Variants in CEP152 observed in about 807,000 individuals in gnomAD.
CEP152 encodes the protein centrosomal protein 152.
A neutral mutation model predicts 188.9 loss-of-function variants in CEP152; 132 were observed. The ratio of observed to expected loss-of-function variants is 0.70; its 90% CI spans 0.61 to 0.81. CEP152 has a LOEUF of 0.81. CEP152 is among the 30% of genes least tolerant of loss of function. The pLI is 0.00. For missense variants in CEP152, 1,914 were observed against 1,969.8 expected (o/e 0.97, Z 0.54); for synonymous variants, 649 against 666.6 (o/e 0.97, Z 0.41).
At chr15:48,757,810 A>C (rs1283963574) in intron 19 of CEP152, among the ~76,000 whole-genome samples, 1 of 152,238 alleles carries the variant, frequency 6.6e-6, no homozygotes, top group Non-Finnish European at 1.5e-5. Flanking sequence ...AGAATAATTC[A>C]GTAGTGATTT....
At chr15:48,773,492 T>C (rs12440614) in intron 12 of CEP152, 31,398 of 152,224 alleles carry the variant, frequency 0.21, 4,173 homozygotes, top group East Asian at 0.47. Context: ...AATTCAGAAT[T>C]TGGGGAGTCC....
chr15:48,760,244 G>A lies in CEP152; in HGVS notation c.2585C>T (p.Ala862Val). 1 of 1,614,044 alleles carries A rather than the reference G, an allele frequency of 6.2e-7. No individual in the cohort carries two copies. The highest frequency in any genetic ancestry group is 8.5e-7 in the Non-Finnish European group (1 of 1,179,948). ...TAGTTCTCCCAGCCATCGCTGATGA[G>A]CATTTTGCACAGCTATTTCTACCTG... The part of the protein sequence containing the change: ...TKQVEIAVQN[A>V]HQRWLGELPE... Residue 862 changes from alanine (A) to valine (V), a missense_variant, in exon 19 of 27, where the codon GCT becomes GTT. By Grantham distance (64) the Ala-to-Val change is moderately conservative. Coordinates refer to ENST00000380950, the MANE Select transcript of CEP152 (RefSeq NM_001194998.2).
At chr15:48,755,412 A>T (rs1894182781) in intron 20 of CEP152, among the ~76,000 whole-genome samples, 1 of 152,152 alleles carries the variant, frequency 6.6e-6, no homozygotes, top group Non-Finnish European at 1.5e-5. Context: ...CTTATTATGC[A>T]TATTTCATGA....
chr15:48,744,455 A>T, intron 23 of CEP152, 112 bp from the exon 24 acceptor site: 2 of 1,527,722 alleles, frequency 1.3e-6, no homozygotes, highest in Non-Finnish European at 8.9e-7. Flanking sequence ...AGTGCTAAAA[A>T]TCTCATCTAG....
chr15:48,793,542 T>C, intron 6 of CEP152, 81 bp from the exon 7 acceptor site: 1 of 1,240,432 alleles, frequency 8.1e-7, no homozygotes, highest in Non-Finnish European at 1.1e-6. Flanking sequence ...TTTTTCAAAC[T>C]GTGACTACAA....
rs369387277 is a variant in CEP152 at position 48,749,298 on chromosome 15, A to G, written c.3467-688T>C. On this transcript the variant is annotated intron_variant, in intron 21 of 26. Transcript: ENST00000380950. The stretch of plus-strand genomic sequence containing the variant: ...ACATGCTTAGTGCCAACTGGGATAA[A>G]TAGAGGGAGGAAGTTGGAAGAATTA... Among the ~76,000 whole-genome samples, 41 of 152,202 alleles carry G rather than the reference A, an allele frequency of 2.7e-4. 2 individuals carry two copies. In the South Asian group the frequency reaches 8.1e-3, roughly 30 times the overall value.
intron 14 of CEP152, among the ~76,000 whole-genome samples, chr15:48,768,551 AAATTTTGT>A: frequency 6.6e-6 from 1 of 152,360 alleles, no homozygotes; most frequent in East Asian, 1.9e-4. Flanking sequence ...CTAAACGTTT[AAATTTTGT>A]ATTTACTTTG....
At chr15:48,776,923 A>ATTT (rs1895955409) in intron 12 of CEP152, among the ~76,000 whole-genome samples, 6 of 151,976 alleles carry the variant, frequency 3.9e-5, no homozygotes, top group African/African-American at 1.4e-4. Context: ...TAAACAGTTG[A>ATTT]CAGTATCTGC....
At chr15:48,786,836 G>C (rs1025980534) in intron 9 of CEP152, among the ~76,000 whole-genome samples, 2 of 152,170 alleles carry the variant, frequency 1.3e-5, no homozygotes, top group African/African-American at 4.8e-5. Flanking sequence ...TTCTATTGAA[G>C]GGGGTGGGGC....
intron 23 of CEP152, 128 bp downstream of exon 23, chr15:48,744,768 G>T: frequency 1.1e-6 from 1 of 893,806 alleles, no homozygotes; most frequent in Non-Finnish European, 1.7e-6. Context: ...AGGAAATAAG[G>T]TTTTGGGGGA....
chr15:48,769,602 G>A (rs1298170396), intron 13 of CEP152, among the ~76,000 whole-genome samples: 1 of 152,042 alleles, frequency 6.6e-6, no homozygotes, highest in Non-Finnish European at 1.5e-5. Context: ...AATTGAAGGT[G>A]GGATCTGTCA....
intron 19 of CEP152, among the ~76,000 whole-genome samples, chr15:48,757,352 C>T (rs1399691434): frequency 6.6e-6 from 1 of 152,156 alleles, no homozygotes; most frequent in East Asian, 1.9e-4. Flanking sequence ...TGATAGCATC[C>T]TTTAGGATTA....
intron 17 of CEP152, among the ~76,000 whole-genome samples, chr15:48,766,775 G>C (rs983501715): frequency 2.7e-5 from 4 of 150,500 alleles, no homozygotes; most frequent in Non-Finnish European, 4.4e-5. Context: ...CAGATTTAAA[G>C]TGACACTGAT....
intron 3 of CEP152, 69 bp from the exon 4 acceptor site, chr15:48,797,799 C>T (rs1897405701): frequency 6.3e-7 from 1 of 1,575,158 alleles, no homozygotes; most frequent in Admixed American, 1.7e-5. Flanking sequence ...ACAAAGAACC[C>T]CAAGATTTTA....
chr15:48,793,700 A>G (rs1180190020), intron 6 of CEP152, among the ~76,000 whole-genome samples: 1 of 152,218 alleles, frequency 6.6e-6, no homozygotes, highest in Non-Finnish European at 1.5e-5. Flanking sequence ...ATATAGATAC[A>G]TGTTGTACAC....
chr15:48,753,250 G>A (rs1180975667), intron 20 of CEP152, among the ~76,000 whole-genome samples: 2 of 152,126 alleles, frequency 1.3e-5, no homozygotes, highest in Admixed American at 1.3e-4. Flanking sequence ...CGATTCTCCT[G>A]CCTCAACCCT....
intron 2 of CEP152, 26 bp from the exon 3 acceptor site, chr15:48,798,077 TC>T (rs1456512265): frequency 6.3e-7 from 1 of 1,585,606 alleles, no homozygotes; most frequent in South Asian, 1.1e-5. Context: ...TGCATCAATA[TC>T]ATACCAACTT....
rs374999936 is a variant in CEP152, at chr15:48,758,573, G to T, written c.2694+1562C>A. Among the ~76,000 whole-genome samples, 44 of 152,054 alleles carry T rather than the reference G, an allele frequency of 2.9e-4. 2 individuals are homozygous for T. In the South Asian group the frequency reaches 7.3e-3, roughly 25 times the overall value. On this transcript the variant is annotated intron_variant, in intron 19 of 26. Transcript: ENST00000380950. ...ATCTCTACTAAAAATACAAAAATTAGCCAGGCGAGGTAGCGGGCACCTATA... is the reference window on the plus strand; with the variant it reads ...ATCTCTACTAAAAATACAAAAATTATCCAGGCGAGGTAGCGGGCACCTATA...
rs758761825 is a variant in CEP152, at chr15:48,744,984, T to C, written c.3643A>G (p.Asn1215Asp). The C allele has an allele frequency of 1.0e-5, 16 of 1,598,394 alleles. No individual in the cohort carries two copies. In the South Asian group the frequency reaches 1.8e-4, roughly 18 times the overall value. Reference sequence around the variant, plus strand: ...TCTATTAATTCTTCAACAACTTTATTATTCTCTTCTATAACAGAAAGTTTA... The same window carrying C: ...TCTATTAATTCTTCAACAACTTTATCATTCTCTTCTATAACAGAAAGTTTA... ...AVVEKIGEENNKVVEELIEEN... is the reference protein window; with the variant it reads ...AVVEKIGEENDKVVEELIEEN... The change falls in exon 23 of 27, where the codon AAT becomes GAT. Residue 1215 changes from asparagine (N) to aspartate (D), a missense_variant. Physicochemically the swap from Asn to Asp is conservative, Grantham distance 23. Coordinates refer to ENST00000380950, the MANE Select transcript of CEP152 (RefSeq NM_001194998.2).
Sources: gnomAD v4.1 joint callset for allele counts (sites outside exome capture counted in the v4.1 genomes callset) on GRCh38, gnomAD v4.1.1 for gene constraint, MANE v1.5 for transcripts, NCBI Gene and HGNC (gene_info 2026-07-23, HGNC 2026-07-21) for gene names.